SNX30: variants seen among roughly 807,000 people sequenced by gnomAD.
The protein encoded by SNX30 is sorting nexin family member 30.
A neutral mutation model predicts 46.4 loss-of-function variants in SNX30; 24 were observed. The ratio of observed to expected loss-of-function variants is 0.52; its 90% CI spans 0.37 to 0.73. The LOEUF (loss-of-function observed/expected upper bound fraction) is 0.73, where lower values mean the gene tolerates loss of function less well. SNX30 is among the 30% of genes least tolerant of loss of function. SNX30 has a pLI of 0.00. For synonymous variants in SNX30, 189 were observed against 211.5 expected, an observed-to-expected ratio of 0.89 and a Z score of 0.92; for missense variants, 533 against 555.7, an observed-to-expected ratio of 0.96 and a Z score of 0.41.
intron 5 of SNX30, among the ~76,000 whole-genome samples, chr9:112,881,005 T>C (rs1841569637): frequency 6.6e-6 from 1 of 152,234 alleles, no homozygotes; most frequent in African/African-American, 2.4e-5. Flanking sequence ...CTCCCATCTA[T>C]ATCTCAAGAT....
chr9:112,775,101 A>G (rs1839718988), intron 1 of SNX30, among the ~76,000 whole-genome samples: 1 of 150,554 alleles, frequency 6.6e-6, no homozygotes, highest in Non-Finnish European at 1.5e-5. Context: ...CTGCCTCCCA[A>G]AGTGCTGTGA....
rs142295802 is a variant in SNX30, at chr9:112,852,794, A to G, written c.1101+1849A>G. Among the ~76,000 whole-genome samples, 313 of 152,302 alleles carry G rather than the reference A, an allele frequency of 2.1e-3. 1 individual carries two copies. The highest frequency in any genetic ancestry group is 7.1e-3 in the African/African-American group (296 of 41,560). The stretch of plus-strand genomic sequence containing the variant: ...GGTAAGAGTGAGGAACGTTAGTAAG[A>G]TAATAGCAGGGACTTGCATTTCAGG... On this transcript the variant is annotated intron_variant, in intron 7 of 8. Transcript: ENST00000374232.
Position 112,830,828 on chromosome 9 carries a change from C to A in SNX30, c.563C>A (p.Thr188Lys). The part of the protein sequence containing the change: ...KALDKFLKRI[T>K]DHPVLSFNEH... ...TTGGATAAATTTCTAAAAAGAATTA[C>A]GGACCATCCTGTGCTGTCTTTCAAT... The change falls in exon 4 of 9, where the codon ACG becomes AAG. Residue 188 changes from threonine (T) to lysine (K), a missense_variant. By Grantham distance (78) the Thr-to-Lys change is moderately conservative. This residue lies in a region of SNX30 where 81 missense variants were observed against 124.4 expected (regional missense o/e 0.65). Transcript: ENST00000374232. 6.2e-7 allele frequency: 1 copy of A among 1,613,892 alleles called. No individual in the cohort carries two copies. The highest frequency in any genetic ancestry group is 1.6e-4 in the Middle Eastern group (1 of 6,062).
Position 112,793,797 on chromosome 9 carries a change from G to GTTTTTT in SNX30, c.157-10978_157-10973dup, listed in dbSNP as rs200559435. Among the ~76,000 whole-genome samples the GTTTTTT allele has an allele frequency of 1.3e-3, 181 of 137,058 alleles. 4 individuals carry two copies. Among genetic ancestry groups the GTTTTTT allele is most frequent in the Non-Finnish European group, 2.1e-3 (134 of 63,988 alleles). 89.9% of individuals were successfully genotyped at this position (137,058 alleles called of 152,430 possible). A position where few individuals can be genotyped will look rare whatever the true frequency, so the allele number is the denominator to read the frequency against. On this transcript the variant is annotated intron_variant, in intron 1 of 8. Coordinates refer to ENST00000374232, the MANE Select transcript of SNX30 (RefSeq NM_001012994.2). ...TTTTCTTGTTCTTTTTACCTCCACT[G>GTTTTTT]TTTTTTGTTTTTTTTTTTTTCTTTC... is the stretch of plus-strand genomic sequence containing the variant.
chr9:112,880,118 G>A (rs1157369106), exon 5 of SNX30: 10 of 248,360 alleles, frequency 4.0e-5, no homozygotes, highest in Non-Finnish European at 7.7e-5. Flanking sequence ...ATCACCTGAA[G>A]TCAGGAGTTC....
downstream of SNX30, among the ~76,000 whole-genome samples, chr9:112,883,724 G>A (rs1841611780): frequency 1.5e-5 from 2 of 137,608 alleles, no homozygotes; most frequent in Admixed American, 1.6e-4. Context: ...TTGAGATGGA[G>A]TCTAGCTCTG....
intron 3 of SNX30, among the ~76,000 whole-genome samples, chr9:112,824,069 G>A (rs975481931): frequency 5.3e-4 from 80 of 152,278 alleles, no homozygotes; most frequent in African/African-American, 1.4e-3. Flanking sequence ...CTTAGAAGAA[G>A]CAAGTCATTT....
chr9:112,831,338 C>A (rs1840657185), intron 4 of SNX30, among the ~76,000 whole-genome samples: 1 of 152,100 alleles, frequency 6.6e-6, no homozygotes, highest in African/African-American at 2.4e-5. Context: ...CCATCCGGGG[C>A]CCCACCCACT....
intron 6 of SNX30, among the ~76,000 whole-genome samples, chr9:112,840,363 A>T (rs1003107088): frequency 2.6e-5 from 4 of 152,264 alleles, no homozygotes; most frequent in Admixed American, 2.0e-4. Context: ...TTATTAAAAA[A>T]AATTGGGATA....
intron 7 of SNX30, among the ~76,000 whole-genome samples, chr9:112,853,352 A>T (rs1841065045): frequency 6.6e-6 from 1 of 152,200 alleles, no homozygotes; most frequent in African/African-American, 2.4e-5. Flanking sequence ...ATGCAGAGCC[A>T]TGTGCACACA....
intron 1 of SNX30, among the ~76,000 whole-genome samples, chr9:112,793,520 C>T (rs1040735765): frequency 1.3e-5 from 2 of 152,206 alleles, no homozygotes; most frequent in African/African-American, 2.4e-5. Context: ...ACTGCCAAAC[C>T]TTCCATGTCC....
intron 6 of SNX30, among the ~76,000 whole-genome samples, chr9:112,845,815 A>G (rs1297756773): frequency 2.0e-5 from 3 of 152,180 alleles, no homozygotes; most frequent in Admixed American, 1.3e-4. Flanking sequence ...CTTTCAATCC[A>G]TTTCCATGGA....
chr9:112,849,044 G>T (rs1263924498), intron 6 of SNX30, among the ~76,000 whole-genome samples: 1 of 152,168 alleles, frequency 6.6e-6, no homozygotes, highest in South Asian at 2.1e-4. Flanking sequence ...TCCTAGAAGC[G>T]CTAGTCTGGA....
At chr9:112,864,048 G>GAGAGCCCCTTTTC (rs1417529063) in intron 7 of SNX30, among the ~76,000 whole-genome samples, 199 bp from the exon 8 acceptor site, 13 of 152,232 alleles carry the variant, frequency 8.5e-5, no homozygotes, top group Non-Finnish European at 1.8e-4. Context: ...TCTGGGTTAG[G>GAGAGCCCCTTTTC]AGAGCCCCTT....
chr9:112,835,282 C>T (rs1222461265), intron 4 of SNX30, among the ~76,000 whole-genome samples: 1 of 152,162 alleles, frequency 6.6e-6, no homozygotes, highest in Non-Finnish European at 1.5e-5. Flanking sequence ...ATAGATTCCT[C>T]TTAGTGTTTG....
At chr9:112,865,132 A>G (rs1264265326) in intron 8 of SNX30, among the ~76,000 whole-genome samples, 1 of 80,254 alleles carries the variant, frequency 1.2e-5, no homozygotes, top group African/African-American at 5.1e-5. Flanking sequence ...CACACCCCCT[A>G]CACATACACC....
chr9:112,850,562 A>T (rs914363297), intron 6 of SNX30, among the ~76,000 whole-genome samples: 1 of 152,258 alleles, frequency 6.6e-6, no homozygotes, highest in African/African-American at 2.4e-5. Context: ...CAGCAGCGTG[A>T]CAATGGATGG....
At chr9:112,770,890 G>C (rs1839637592) in intron 1 of SNX30, among the ~76,000 whole-genome samples, 1 of 152,198 alleles carries the variant, frequency 6.6e-6, no homozygotes, top group Admixed American at 6.5e-5. Context: ...CAGCTACTCA[G>C]GAGGCTGAGG....
At chr9:112,817,589 G>A in intron 2 of SNX30, 116 bp from the exon 3 acceptor site, 1 of 649,218 alleles carries the variant, frequency 1.5e-6, no homozygotes, top group South Asian at 1.8e-5. Flanking sequence ...TGTTGTGTTT[G>A]GTGGAAGGAA....
Sources: gnomAD v4.1 joint callset for allele counts (sites outside exome capture counted in the v4.1 genomes callset) on GRCh38, gnomAD v4.1.1 for gene constraint, gnomAD v4.1.1 regional missense constraint, MANE v1.5 for transcripts, NCBI Gene and HGNC (gene_info 2026-07-23, HGNC 2026-07-21) for gene names.